Variants in PADI1 observed in about 807,000 individuals in gnomAD.
PADI1 encodes protein-arginine deiminase type-1.
In PADI1, 65 loss-of-function variants were observed where a neutral mutation model predicts 74.8. The ratio of observed to expected loss-of-function variants is 0.87; its 90% confidence interval spans 0.71 to 1.07. The LOEUF (loss-of-function observed/expected upper bound fraction) is 1.07. Among genes scored for constraint, PADI1 ranks in the 50% least tolerant of loss-of-function variants. The pLI, the probability that PADI1 is intolerant of heterozygous loss-of-function variation, is 0.00. For missense variants in PADI1, 943 were observed against 854.0 expected (o/e 1.10, Z -1.30); for synonymous variants, 371 against 336.2 (o/e 1.10, Z -1.13).
chr1:17,214,636 T>C (rs975249716), intron 1 of PADI1, among the ~76,000 whole-genome samples: 17 of 152,066 alleles, frequency 1.1e-4, no homozygotes, highest in Non-Finnish European at 1.8e-4. Context: ...AGAGGATTAT[T>C]AGATTTGGAG....
intron 4 of PADI1, among the ~76,000 whole-genome samples, chr1:17,225,366 A>G (rs74568994): frequency 6.6e-6 from 1 of 152,168 alleles, no homozygotes; most frequent in Non-Finnish European, 1.5e-5. Context: ...GCAGGACTGC[A>G]TGCGGATGCC....
chr1:17,221,445 G>C (rs2072144855), intron 1 of PADI1, among the ~76,000 whole-genome samples: 2 of 149,874 alleles, frequency 1.3e-5, no homozygotes, highest in Admixed American at 6.8e-5. Context: ...CTCCAACCTG[G>C]GTGAGAGAGT....
Position 17,244,723 on chromosome 1 carries a change from C to A in PADI1, c.*480C>A, listed in dbSNP as rs567398825. On this transcript the variant is annotated 3_prime_UTR_variant, in exon 16 of 16. Coordinates refer to ENST00000375471, the MANE Select transcript of PADI1 (RefSeq NM_013358.3). ...AAGGGGATCAGAAACATCCTCTCCCCGCTCTAGGTTTCTTCTCCCAAAGGG... is the reference window on the plus strand; with the variant it reads ...AAGGGGATCAGAAACATCCTCTCCCAGCTCTAGGTTTCTTCTCCCAAAGGG... The A allele has an allele frequency of 2.9e-6, 1 of 347,482 alleles. No homozygotes were observed. The highest frequency in any genetic ancestry group is 2.2e-5 in the South Asian group (1 of 45,032). 21.5% of individuals were successfully genotyped at this position (347,482 alleles called of 1,614,324 possible).
intron 1 of PADI1, among the ~76,000 whole-genome samples, chr1:17,210,117 G>C (rs1472004071): frequency 1.3e-5 from 2 of 151,940 alleles, no homozygotes; most frequent in Admixed American, 1.3e-4. Context: ...TGGGATTACA[G>C]GTGTGAGCCA....
intron 1 of PADI1, among the ~76,000 whole-genome samples, chr1:17,206,234 G>A (rs1021499820): frequency 2.0e-5 from 3 of 152,206 alleles, no homozygotes; most frequent in Non-Finnish European, 4.4e-5. Flanking sequence ...TGAGATCTGA[G>A]CTCCTTTCTC....
At chr1:17,243,048 G>A (rs12119803) in intron 15 of PADI1, among the ~76,000 whole-genome samples, 8,975 of 152,234 alleles carry the variant, frequency 0.059, 305 homozygotes, top group African/African-American at 0.08. Flanking sequence ...GGCAGAGCAC[G>A]GAGAGTTTGA....
At chr1:17,207,413 C>T (rs1428335945) in intron 1 of PADI1, among the ~76,000 whole-genome samples, 1 of 152,246 alleles carries the variant, frequency 6.6e-6, no homozygotes, top group South Asian at 2.1e-4. Context: ...TCAGTTTCCA[C>T]ATCTGAAAAT....
At chr1:17,213,718 C>T (rs193127400) in intron 1 of PADI1, among the ~76,000 whole-genome samples, 2 of 152,298 alleles carry the variant, frequency 1.3e-5, no homozygotes, top group East Asian at 3.9e-4. Flanking sequence ...AAAATGCAGG[C>T]TCTTTCCCTG....
At position 17,205,136 on chromosome 1, in the gene PADI1, C is replaced by T. The variant is rs2071650694; in HGVS notation, c.-82C>T. The stretch of plus-strand genomic sequence containing the variant: ...GGAGGCACCAGTCCATCAGAACTCA[C>T]ACTTCTTCCTGGCAAAGAAGTGCCC... On this transcript the variant is annotated 5_prime_UTR_variant, in exon 1 of 16. Coordinates refer to ENST00000375471, the MANE Select transcript of PADI1 (RefSeq NM_013358.3). 3.6e-5 allele frequency: 40 copies of T among 1,116,644 alleles called. No homozygotes were observed. In the South Asian group the frequency reaches 4.3e-4, roughly 12 times the overall value. 69.2% of individuals were successfully genotyped at this position (1,116,644 alleles called of 1,614,324 possible).
intron 8 of PADI1, among the ~76,000 whole-genome samples, chr1:17,229,839 G>A (rs1450252233): frequency 1.3e-5 from 2 of 152,226 alleles, no homozygotes; most frequent in African/African-American, 4.8e-5. Context: ...CTGACTCCCT[G>A]TGCTGGGTTA....
Position 17,221,471 on chromosome 1 carries a change from GA to G in PADI1, c.93-804del, listed in dbSNP as rs199509580. On this transcript the variant is annotated intron_variant, in intron 1 of 15. Coordinates refer to ENST00000375471, the MANE Select transcript of PADI1 (RefSeq NM_013358.3). ...GTGAGAGAGTGAGACTCTGTCTCAAGAAAAAAAAAAAAAAAGAATCAGAGCA... is the reference window on the plus strand; with the variant it reads ...GTGAGAGAGTGAGACTCTGTCTCAAGAAAAAAAAAAAAAAGAATCAGAGCA... Among the ~76,000 whole-genome samples the G allele has an allele frequency of 1.3e-3, 129 of 97,468 alleles. 1 individual carries two copies. The highest frequency in any genetic ancestry group is 1.7e-3 in the South Asian group (5 of 2,910). 63.9% of individuals were successfully genotyped at this position (97,468 alleles called of 152,430 possible). A position where few individuals can be genotyped will look rare whatever the true frequency, so the allele number is the denominator to read the frequency against.
chr1:17,241,177 TG>T (rs1431309781), intron 15 of PADI1, among the ~76,000 whole-genome samples: 2 of 152,212 alleles, frequency 1.3e-5, no homozygotes, highest in African/African-American at 4.8e-5. Flanking sequence ...TGCTCCCCAG[TG>T]GGGGTCCTGT....
At chr1:17,210,044 T>A (rs1331953383) in intron 1 of PADI1, among the ~76,000 whole-genome samples, 1 of 151,976 alleles carries the variant, frequency 6.6e-6, no homozygotes, top group Non-Finnish European at 1.5e-5. Context: ...TTTGCCGTGT[T>A]TTCCAGGCTG....
In PADI1 at chr1:17,244,087, G is replaced by A; in HGVS notation, c.1836G>A (p.Leu612=). The change falls in exon 16 of 16, where the codon CTG becomes CTA. Residue 612 remains leucine, a synonymous_variant. Transcript: ENST00000375471. ...CCATCATCAATGGCCGCTGCTGCCT[G>A]GAGGAGAAGGTGCAGTCCCTGCTGG... ...YGPIINGRCC[L]EEKVQSLLEP... The A allele has an allele frequency of 6.2e-7, 1 of 1,614,258 alleles. No homozygotes were observed. Among genetic ancestry groups the A allele is most frequent in the African/African-American group, 1.3e-5 (1 of 75,068 alleles).
chr1:17,209,846 A>ATTTTATTTTTAT (rs1244468209), intron 1 of PADI1, among the ~76,000 whole-genome samples: 2 of 151,584 alleles, frequency 1.3e-5, no homozygotes, highest in Non-Finnish European at 2.9e-5. Context: ...TTTCCATTTT[A>ATTTTATTTTTAT]TTTTATTTTT....
chr1:17,238,121 T>C (rs2072690088), intron 12 of PADI1, among the ~76,000 whole-genome samples: 1 of 152,232 alleles, frequency 6.6e-6, no homozygotes, highest in Non-Finnish European at 1.5e-5. Flanking sequence ...CGATCTTGGC[T>C]CACTACAACC....
chr1:17,222,387 G>T lies in PADI1; in HGVS notation c.190G>T (p.Gly64Cys). Residue 64 changes from glycine (G) to cysteine (C), a missense_variant, in exon 2 of 16, where the codon GGC (glycine) becomes TGC (cysteine). Gly to Cys is a radical substitution (Grantham distance 159, BLOSUM62 -3). Coordinates refer to ENST00000375471, the MANE Select transcript of PADI1 (RefSeq NM_013358.3). ...CCGCACACGTGTGAAAGAGCCCATA[G>T]GCAAGGCCCGTTGGCCGCTAGACAC... The part of the protein sequence containing the change: ...YNRTRVKEPI[G>C]KARWPLDTDA... 1 of 1,613,856 alleles carries T rather than the reference G, an allele frequency of 6.2e-7. No homozygotes were observed. The highest frequency in any genetic ancestry group is 8.5e-7 in the Non-Finnish European group (1 of 1,179,822).
At chr1:17,236,958 C>T (rs1052964681) in intron 11 of PADI1, among the ~76,000 whole-genome samples, 2 of 152,128 alleles carry the variant, frequency 1.3e-5, no homozygotes, top group Non-Finnish European at 2.9e-5. Context: ...GGCTGGTGGG[C>T]CTGGAGCCAA....
At chr1:17,223,573 C>T (rs1469449540) in intron 2 of PADI1, 48 bp from the exon 3 acceptor site, 1 of 1,486,098 alleles carries the variant, frequency 6.7e-7, no homozygotes, top group Non-Finnish European at 9.4e-7. Context: ...TCTGCCTCCG[C>T]CATCTCTGAA....
Sources: gnomAD v4.1 joint callset for allele counts (sites outside exome capture counted in the v4.1 genomes callset) on GRCh38, gnomAD v4.1.1 for gene constraint, MANE v1.5 for transcripts, NCBI Gene and HGNC (gene_info 2026-07-23, HGNC 2026-07-21) for gene names.